NALF1: variants seen among roughly 807,000 people sequenced by gnomAD.
NALF1 encodes NALCN channel auxiliary factor 1, also known as family with sequence similarity 155 member A.
In NALF1, 3 loss-of-function variants were observed where a neutral mutation model predicts 48.4. The observed-to-expected ratio is 0.06, with a 90% CI of 0.03 to 0.16. NALF1 has a LOEUF of 0.16. Among genes scored for constraint, NALF1 ranks in the 10% least tolerant of loss-of-function variants. The pLI is 1.00. For synonymous variants in NALF1, 262 were observed against 245.7 expected, an observed-to-expected ratio of 1.07 and a Z score of -0.62; for missense variants, 526 against 571.5, an observed-to-expected ratio of 0.92 and a Z score of 0.81.
intron 2 of NALF1, among the ~76,000 whole-genome samples, chr13:107,179,672 A>G (rs1030247093): frequency 2.8e-5 from 1 of 36,326 alleles, no homozygotes; most frequent in African/African-American, 9.4e-5. Context: ...TTTGAAAACT[A>G]AAAAAAAAAA....
chr13:107,618,576 G>A (rs1321284770), intron 1 of NALF1, among the ~76,000 whole-genome samples: 1 of 152,202 alleles, frequency 6.6e-6, no homozygotes, highest in African/African-American at 2.4e-5. Flanking sequence ...AGGTTAGAGA[G>A]ATGGCAGTGG....
At chr13:107,438,851 AGAAT>A (rs770139848) in intron 1 of NALF1, among the ~76,000 whole-genome samples, 9 of 130,294 alleles carry the variant, frequency 6.9e-5, no homozygotes, top group Non-Finnish European at 1.2e-4. Context: ...AAAAAAAAAA[AGAAT>A]AATATAAAGG....
intron 1 of NALF1, among the ~76,000 whole-genome samples, chr13:107,608,630 A>G (rs1879137771): frequency 6.6e-6 from 1 of 152,196 alleles, no homozygotes; most frequent in African/African-American, 2.4e-5. Context: ...AGCTAATTCT[A>G]GAAGTGTAAG....
chr13:107,565,384 C>CAAAA (rs10631309), intron 1 of NALF1, among the ~76,000 whole-genome samples: 33 of 119,398 alleles, frequency 2.8e-4, no homozygotes, highest in South Asian at 1.5e-3. Context: ...GACCTTATCT[C>CAAAA]AAAAAAAAAA....
chr13:107,512,135 C>T (rs1274837568), intron 1 of NALF1, among the ~76,000 whole-genome samples: 2 of 152,232 alleles, frequency 1.3e-5, no homozygotes, highest in Non-Finnish European at 2.9e-5. Flanking sequence ...TGGCTCACGC[C>T]TGTAATCCCA....
chr13:107,215,056 G>C (rs561435534), intron 1 of NALF1, among the ~76,000 whole-genome samples: 2 of 152,178 alleles, frequency 1.3e-5, no homozygotes, highest in East Asian at 3.9e-4. Context: ...GGGGTCTCTG[G>C]AGTCACTAAG....
chr13:107,765,624 T>C (rs937661747), intron 1 of NALF1, among the ~76,000 whole-genome samples: 5 of 152,178 alleles, frequency 3.3e-5, no homozygotes, highest in African/African-American at 7.2e-5. Context: ...GAAATTGTTT[T>C]CATCTTTAAT....
At chr13:107,358,554 C>A (rs960393801) in intron 1 of NALF1, among the ~76,000 whole-genome samples, 4 of 152,086 alleles carry the variant, frequency 2.6e-5, no homozygotes, top group Non-Finnish European at 4.4e-5. Context: ...GAACACTAGG[C>A]CTCATTGTGT....
chr13:107,583,633 G>A (rs1454072654), intron 1 of NALF1, among the ~76,000 whole-genome samples: 1 of 152,092 alleles, frequency 6.6e-6, no homozygotes, highest in African/African-American at 2.4e-5. Context: ...TACACTGTGA[G>A]CACATATGAC....
chr13:107,345,878 C>A (rs1488979341), intron 1 of NALF1, among the ~76,000 whole-genome samples: 1 of 152,064 alleles, frequency 6.6e-6, no homozygotes, highest in Non-Finnish European at 1.5e-5. Flanking sequence ...CCAGAACTTA[C>A]AAAAAGATCT....
At chr13:107,271,206 T>A (rs914576824) in intron 1 of NALF1, among the ~76,000 whole-genome samples, 1 of 152,146 alleles carries the variant, frequency 6.6e-6, no homozygotes. Context: ...GCAGCTGTAG[T>A]TAAAGTTACT....
intron 1 of NALF1, among the ~76,000 whole-genome samples, chr13:107,450,669 G>C (rs1884726145): frequency 6.6e-6 from 1 of 152,162 alleles, no homozygotes; most frequent in Admixed American, 6.5e-5. Context: ...GGATGCCATG[G>C]GTGAATCCCC....
chr13:107,387,983 T>C (rs926653215), intron 1 of NALF1, among the ~76,000 whole-genome samples: 3 of 152,208 alleles, frequency 2.0e-5, no homozygotes, highest in African/African-American at 4.8e-5. Flanking sequence ...TTGTACACCC[T>C]CACTGTACAC....
At chr13:107,864,259 G>A (rs988001363) in intron 1 of NALF1, among the ~76,000 whole-genome samples, 2 of 152,172 alleles carry the variant, frequency 1.3e-5, no homozygotes, top group Non-Finnish European at 2.9e-5. Flanking sequence ...TGTAAATTCA[G>A]ACTTACTATT....
chr13:107,359,472 C>T (rs1373978832), intron 1 of NALF1, among the ~76,000 whole-genome samples: 2 of 151,972 alleles, frequency 1.3e-5, no homozygotes, highest in African/African-American at 2.4e-5. Context: ...AAGACAAAAA[C>T]TGAATATGCT....
intron 1 of NALF1, among the ~76,000 whole-genome samples, chr13:107,783,572 T>C (rs1449655750): frequency 7.9e-5 from 12 of 152,252 alleles, no homozygotes; most frequent in East Asian, 3.9e-4. Context: ...CCCCCCAACC[T>C]TGTGCTCTCT....
At chr13:107,249,892 A>G (rs1880661899) in intron 1 of NALF1, among the ~76,000 whole-genome samples, 1 of 152,190 alleles carries the variant, frequency 6.6e-6, no homozygotes, top group Non-Finnish European at 1.5e-5. Flanking sequence ...TTTAAGGGAC[A>G]CGCAGTCAAT....
chr13:107,207,237 TA>T (rs1879662674), intron 2 of NALF1, among the ~76,000 whole-genome samples: 1 of 152,204 alleles, frequency 6.6e-6, no homozygotes, highest in Admixed American at 6.5e-5. Context: ...ATATATTTAT[TA>T]AAATATTTTG....
chr13:107,552,946 T>C (rs1877340264), intron 1 of NALF1, among the ~76,000 whole-genome samples: 1 of 152,150 alleles, frequency 6.6e-6, no homozygotes, highest in Non-Finnish European at 1.5e-5. Flanking sequence ...TTCTCTTAAA[T>C]ACTCTGAATT....
Sources: allele counts gnomAD v4.1 joint callset (sites outside exome capture counted in the v4.1 genomes callset), GRCh38; gene constraint gnomAD v4.1.1; transcripts MANE v1.5; gene names NCBI Gene and HGNC (gene_info 2026-07-23, HGNC 2026-07-21).